The following PIGL variants were observed in gnomAD, a reference collection of about 807,000 sequenced individuals.
PIGL encodes phosphatidylinositol glycan anchor biosynthesis class L.
Under a neutral mutation model 31.1 loss-of-function variants are expected in PIGL, and 22 were observed. The observed-to-expected ratio is 0.71, with a 90% CI of 0.51 to 1.01. The LOEUF (loss-of-function observed/expected upper bound fraction) is 1.01. Among genes scored for constraint, PIGL ranks in the 50% least tolerant of loss-of-function variants. The pLI, the probability that PIGL is intolerant of heterozygous loss-of-function variation, is 0.00. For missense variants in PIGL, 302 were observed against 315.9 expected (o/e 0.96, Z 0.33); for synonymous variants, 131 against 117.4 (o/e 1.12, Z -0.75).
chr17:16,275,818 G>A (rs1198506207), intron 2 of PIGL, among the ~76,000 whole-genome samples: 2 of 152,102 alleles, frequency 1.3e-5, no homozygotes, highest in African/African-American at 4.8e-5. Context: ...GACATCAGGA[G>A]CTCAAGACCA....
intron 2 of PIGL, among the ~76,000 whole-genome samples, chr17:16,261,748 C>T (rs150134471): frequency 0.012 from 1,767 of 151,920 alleles, 46 homozygotes; most frequent in African/African-American, 0.04. Flanking sequence ...ACTACAAGTG[C>T]GCACCACCAT....
intron 2 of PIGL, among the ~76,000 whole-genome samples, chr17:16,244,777 T>C (rs1486857002): frequency 1.3e-5 from 2 of 151,884 alleles, no homozygotes; most frequent in African/African-American, 4.8e-5. Flanking sequence ...CGGGCTCAAG[T>C]GACCCTCCTG....
chr17:16,311,467 C>CTTT (rs778072602), intron 3 of PIGL, among the ~76,000 whole-genome samples: 1,875 of 18,976 alleles, frequency 0.099, 638 homozygotes, highest in Middle Eastern at 0.19. Flanking sequence ...GGTTTTCTTT[C>CTTT]TTTTTTTTTT....
At chr17:16,313,923 G>A (rs995430226) in intron 4 of PIGL, among the ~76,000 whole-genome samples, 2 of 152,132 alleles carry the variant, frequency 1.3e-5, no homozygotes, top group African/African-American at 4.8e-5. Flanking sequence ...AAGCTTGAGG[G>A]CCAAATTTGC....
At chr17:16,245,361 A>G (rs1009470079) in intron 2 of PIGL, among the ~76,000 whole-genome samples, 2 of 151,878 alleles carry the variant, frequency 1.3e-5, no homozygotes, top group African/African-American at 4.8e-5. Context: ...TCCTGAACTC[A>G]GATGATCCAC....
chr17:16,219,946 G>A (rs1414287772), intron 1 of PIGL, among the ~76,000 whole-genome samples: 1 of 152,058 alleles, frequency 6.6e-6, no homozygotes, highest in Admixed American at 6.6e-5. Context: ...GTCTTCAAAA[G>A]AAGCCTGGAT....
At chr17:16,228,608 T>G (rs571477844) in intron 1 of PIGL, among the ~76,000 whole-genome samples, 1 of 152,018 alleles carries the variant, frequency 6.6e-6, no homozygotes, top group South Asian at 2.1e-4. Context: ...CAGGATGGTC[T>G]CGATCTCCTG....
chr17:16,254,815 G>T (rs1446800070), intron 2 of PIGL, among the ~76,000 whole-genome samples: 1 of 151,506 alleles, frequency 6.6e-6, no homozygotes, highest in African/African-American at 2.4e-5. Flanking sequence ...TGTTAGCCAG[G>T]ATGGTCTCAA....
intron 2 of PIGL, among the ~76,000 whole-genome samples, chr17:16,242,331 G>T (rs950466170): frequency 6.6e-6 from 1 of 152,062 alleles, no homozygotes; most frequent in African/African-American, 2.4e-5. Context: ...ATTACAGCAT[G>T]AGCCACCATT....
chr17:16,240,019 T>C (rs1445502923), intron 2 of PIGL, among the ~76,000 whole-genome samples: 6 of 152,142 alleles, frequency 3.9e-5, no homozygotes, highest in African/African-American at 1.4e-4. Flanking sequence ...ACTGTAATCC[T>C]AACATTGGAG....
chr17:16,240,985 A>T (rs935728482), intron 2 of PIGL, among the ~76,000 whole-genome samples: 1 of 151,376 alleles, frequency 6.6e-6, no homozygotes, highest in Non-Finnish European at 1.5e-5. Context: ...GTGGTGGCAC[A>T]TCCCTGTAAT....
chr17:16,305,753 T>C lies in PIGL; in HGVS notation c.426+5775T>C, dbSNP rs75765297. 9.7e-3 allele frequency among the ~76,000 whole-genome samples: 1,475 copies of C among 152,116 alleles called. 23 individuals are homozygous for C. The highest frequency in any genetic ancestry group is 0.034 in the African/African-American group (1,390 of 41,474). The stretch of plus-strand genomic sequence containing the variant: ...CCACCTGATGGCAACAGCCTGGGAG[T>C]TGAGATACTCTAGGGTTTTCTGCTG... On this transcript the variant is annotated intron_variant, in intron 3 of 6. Coordinates refer to ENST00000225609, the MANE Select transcript of PIGL (RefSeq NM_004278.4).
chr17:16,313,395 C>T (rs1600858851), intron 3 of PIGL, 152 bp from the exon 4 acceptor site: 2 of 649,274 alleles, frequency 3.1e-6, no homozygotes, highest in African/African-American at 1.8e-5. Flanking sequence ...ACTAGCTACA[C>T]ACCACTGATC....
chr17:16,217,647 C>T (rs2092596920), intron 1 of PIGL, 186 bp downstream of exon 1: 1 of 557,488 alleles, frequency 1.8e-6, no homozygotes, highest in Admixed American at 3.2e-5. Context: ...GGTTGGGGGA[C>T]GTCGGCAGCT....
chr17:16,231,261 G>A (rs1166368953), intron 1 of PIGL, among the ~76,000 whole-genome samples: 2 of 146,934 alleles, frequency 1.4e-5, no homozygotes, highest in African/African-American at 5.0e-5. Context: ...GAGACACAGG[G>A]TCTCACATTG....
chr17:16,217,646 A>ATCTACACAATCTCCAT, intron 1 of PIGL, 185 bp downstream of exon 1: 5 of 511,618 alleles, frequency 9.8e-6, no homozygotes, highest in Admixed American at 3.6e-5. Context: ...GGGTTGGGGG[A>ATCTACACAATCTCCAT]CGTCGGCAGC....
intron 2 of PIGL, among the ~76,000 whole-genome samples, chr17:16,255,102 T>C (rs138750538): frequency 3.3e-5 from 5 of 152,348 alleles, no homozygotes; most frequent in African/African-American, 1.2e-4. Context: ...TCCTCAGTTT[T>C]TATTTACGCA....
intron 3 of PIGL, among the ~76,000 whole-genome samples, chr17:16,305,608 G>A (rs2093023112): frequency 6.6e-6 from 1 of 152,154 alleles, no homozygotes; most frequent in Non-Finnish European, 1.5e-5. Flanking sequence ...AAAAAACAAA[G>A]ACTGGAGAAT....
At chr17:16,258,117 G>GAGAA (rs2092803819) in intron 2 of PIGL, among the ~76,000 whole-genome samples, 57 of 125,258 alleles carry the variant, frequency 4.6e-4, no homozygotes, top group African/African-American at 1.6e-3. Flanking sequence ...GAGAGAGAGA[G>GAGAA]AGAGAGAAAG....
Sources: allele counts gnomAD v4.1 joint callset (sites outside exome capture counted in the v4.1 genomes callset), GRCh38; gene constraint gnomAD v4.1.1; transcripts MANE v1.5; gene names NCBI Gene and HGNC (gene_info 2026-07-23, HGNC 2026-07-21).